Variants in HS6ST3 observed in about 807,000 individuals in gnomAD.
The protein encoded by HS6ST3 is heparan-sulfate 6-O-sulfotransferase 3.
Under a neutral mutation model 36.7 loss-of-function variants are expected in HS6ST3, and 12 were observed. The observed-to-expected ratio is 0.33, with a 90% CI of 0.21 to 0.53. The LOEUF is 0.53. HS6ST3 is among the 20% of genes least tolerant of loss of function. The pLI, the probability that HS6ST3 is intolerant of heterozygous loss-of-function variation, is 0.95. For missense variants in HS6ST3, 584 were observed against 640.9 expected, an observed-to-expected ratio of 0.91 and a Z score of 0.96; for synonymous variants, 240 against 257.5, an observed-to-expected ratio of 0.93 and a Z score of 0.65.
intron 1 of HS6ST3, among the ~76,000 whole-genome samples, chr13:96,726,947 G>T (rs1296265464): frequency 1.3e-5 from 2 of 151,980 alleles, no homozygotes; most frequent in African/African-American, 4.8e-5. Flanking sequence ...AGATAGGTCT[G>T]GATTCATGTG....
intron 1 of HS6ST3, among the ~76,000 whole-genome samples, chr13:96,485,980 C>T (rs1007020872): frequency 1.3e-5 from 2 of 151,796 alleles, no homozygotes; most frequent in African/African-American, 4.8e-5. Context: ...CGTCATTTAA[C>T]ATTAGGTATA....
chr13:96,400,682 A>G (rs1024391599), intron 1 of HS6ST3, among the ~76,000 whole-genome samples: 9 of 152,152 alleles, frequency 5.9e-5, no homozygotes, highest in Admixed American at 5.9e-4. Flanking sequence ...TTGGGACTGA[A>G]GGGCTGAAGG....
At chr13:96,193,210 C>T (rs2054296976) in intron 1 of HS6ST3, among the ~76,000 whole-genome samples, 2 of 152,180 alleles carry the variant, frequency 1.3e-5, no homozygotes, top group Admixed American at 1.3e-4. Context: ...AGGGGATTTT[C>T]CCACCTCTAT....
chr13:96,464,535 A>G (rs186599924), intron 1 of HS6ST3, among the ~76,000 whole-genome samples: 245 of 152,282 alleles, frequency 1.6e-3, no homozygotes, highest in African/African-American at 5.7e-3. Flanking sequence ...AAATGTTCAT[A>G]GCATCAAAGT....
intron 1 of HS6ST3, among the ~76,000 whole-genome samples, chr13:96,383,647 C>G (rs1358590815): frequency 6.6e-6 from 1 of 152,122 alleles, no homozygotes; most frequent in African/African-American, 2.4e-5. Flanking sequence ...TTGTGCACAG[C>G]CTTATAAATG....
intron 1 of HS6ST3, among the ~76,000 whole-genome samples, chr13:96,503,203 C>T (rs938717561): frequency 6.6e-6 from 1 of 152,156 alleles, no homozygotes; most frequent in East Asian, 1.9e-4. Flanking sequence ...ACAGCAGCTT[C>T]TCCTATTCCT....
At chr13:96,275,100 A>G (rs946963722) in intron 1 of HS6ST3, among the ~76,000 whole-genome samples, 5 of 152,172 alleles carry the variant, frequency 3.3e-5, no homozygotes, top group African/African-American at 1.2e-4. Flanking sequence ...AGTCTCCTAC[A>G]GCTCTGAAGA....
intron 1 of HS6ST3, among the ~76,000 whole-genome samples, chr13:96,523,282 T>A (rs1334769192): frequency 6.6e-6 from 1 of 152,186 alleles, no homozygotes; most frequent in Non-Finnish European, 1.5e-5. Flanking sequence ...CCTTTCTCTC[T>A]TGCTGCCCTT....
intron 1 of HS6ST3, among the ~76,000 whole-genome samples, chr13:96,564,886 T>A (rs1232179685): frequency 6.6e-6 from 1 of 152,172 alleles, no homozygotes; most frequent in Non-Finnish European, 1.5e-5. Context: ...TCCATATGCA[T>A]TTGCAGAATA....
intron 1 of HS6ST3, among the ~76,000 whole-genome samples, chr13:96,679,078 C>T (rs192666721): frequency 4.0e-5 from 6 of 149,542 alleles, no homozygotes; most frequent in East Asian, 3.9e-4. Flanking sequence ...CAAGGGAATT[C>T]GTGCCTGGGC....
chr13:96,765,391 C>T (rs931217419), intron 1 of HS6ST3, among the ~76,000 whole-genome samples: 2 of 152,174 alleles, frequency 1.3e-5, no homozygotes, highest in Non-Finnish European at 2.9e-5. Flanking sequence ...ATATTTCAAG[C>T]ACTCAGTAGC....
At chr13:96,332,631 A>G (rs767147191) in intron 1 of HS6ST3, among the ~76,000 whole-genome samples, 26 of 152,206 alleles carry the variant, frequency 1.7e-4, no homozygotes, top group Non-Finnish European at 3.4e-4. Context: ...ATCTCATTTG[A>G]AAAAGTACTG....
chr13:96,094,397 G>A (rs746063073), intron 1 of HS6ST3, among the ~76,000 whole-genome samples: 9 of 152,068 alleles, frequency 5.9e-5, no homozygotes, highest in Non-Finnish European at 1.5e-5. Flanking sequence ...CATGAGGTCC[G>A]TTTCTTAGAG....
intron 1 of HS6ST3, among the ~76,000 whole-genome samples, chr13:96,546,187 C>T (rs1007800835): frequency 2.0e-5 from 3 of 152,010 alleles, no homozygotes; most frequent in Non-Finnish European, 4.4e-5. Context: ...TCTTCTGAAA[C>T]TCAAAAATCT....
chr13:96,611,186 C>T (rs2056456200), intron 1 of HS6ST3, among the ~76,000 whole-genome samples: 1 of 150,320 alleles, frequency 6.7e-6, no homozygotes, highest in South Asian at 2.1e-4. Context: ...GCACAATGTG[C>T]AGGTTAGTTA....
At chr13:96,164,834 A>G (rs1594700727) in intron 1 of HS6ST3, among the ~76,000 whole-genome samples, 1 of 152,262 alleles carries the variant, frequency 6.6e-6, no homozygotes, top group East Asian at 1.9e-4. Flanking sequence ...CTTGCAATGT[A>G]GATTAATGAT....
chr13:96,796,074 A>G (rs58700940), intron 1 of HS6ST3, among the ~76,000 whole-genome samples: 13,483 of 152,190 alleles, frequency 0.089, 671 homozygotes, highest in Non-Finnish European at 0.12. Flanking sequence ...TCTGTTTCCA[A>G]TATGTCTGTT....
chr13:96,239,542 G>T (rs1329536884), intron 1 of HS6ST3, among the ~76,000 whole-genome samples: 2 of 152,130 alleles, frequency 1.3e-5, no homozygotes, highest in Admixed American at 1.3e-4. Flanking sequence ...AATGCTTTTT[G>T]CAAGGCATTC....
intron 1 of HS6ST3, among the ~76,000 whole-genome samples, chr13:96,319,437 A>C (rs748761456): frequency 3.3e-5 from 5 of 152,190 alleles, no homozygotes; most frequent in Admixed American, 6.5e-5. Context: ...GGCTCTTATG[A>C]ATAATGTTGC....
Sources: gnomAD v4.1 joint callset for allele counts (sites outside exome capture counted in the v4.1 genomes callset) on GRCh38, gnomAD v4.1.1 for gene constraint, MANE v1.5 for transcripts, NCBI Gene and HGNC (gene_info 2026-07-23, HGNC 2026-07-21) for gene names.